COMMD10: variants seen among roughly 807,000 people sequenced by gnomAD.
The protein encoded by COMMD10 is COMM domain-containing protein 10.
COMMD10 carries 33 observed loss-of-function variants against 28.9 expected under a neutral mutation model. The observed-to-expected ratio is 1.14, with a 90% CI of 0.87 to 1.53. COMMD10 has a LOEUF of 1.53. Among genes scored for constraint, COMMD10 ranks in the 40% most tolerant of loss-of-function variants. The probability of loss-of-function intolerance (pLI) is 0.00; values close to 1 mark genes in which losing one functional copy is unlikely to be tolerated. For missense variants in COMMD10, 310 were observed against 233.4 expected (o/e 1.33, Z -2.14); for synonymous variants, 110 against 81.7 (o/e 1.35, Z -1.87).
At chr5:116,230,807 A>C (rs1749511052) in intron 5 of COMMD10, among the ~76,000 whole-genome samples, 1 of 152,140 alleles carries the variant, frequency 6.6e-6, no homozygotes, top group Non-Finnish European at 1.5e-5. Flanking sequence ...TGACAAGCAG[A>C]GATTCCTTGA....
intron 5 of COMMD10, among the ~76,000 whole-genome samples, chr5:116,219,011 A>T (rs555280462): frequency 2.0e-5 from 3 of 152,310 alleles, no homozygotes; most frequent in Admixed American, 1.3e-4. Context: ...GCTATTATCC[A>T]GTATGACTGG....
At chr5:116,121,604 T>G (rs1349920478) in intron 4 of COMMD10, among the ~76,000 whole-genome samples, 2 of 152,226 alleles carry the variant, frequency 1.3e-5, no homozygotes, top group African/African-American at 4.8e-5. Flanking sequence ...ACCAACAGTG[T>G]AAAAGCATTC....
intron 5 of COMMD10, among the ~76,000 whole-genome samples, chr5:116,203,326 G>A (rs11957731): frequency 0.11 from 16,893 of 151,956 alleles, 1,353 homozygotes; most frequent in African/African-American, 0.22. Flanking sequence ...GCAGGATATT[G>A]TCCAGGAGAA....
intron 5 of COMMD10, among the ~76,000 whole-genome samples, chr5:116,147,102 T>A (rs1045836847): frequency 1.3e-5 from 2 of 151,826 alleles, no homozygotes; most frequent in African/African-American, 4.8e-5. Flanking sequence ...TTTGCATATT[T>A]AGCATCAACC....
chr5:116,182,861 A>G (rs531239527), intron 5 of COMMD10, among the ~76,000 whole-genome samples: 1 of 152,186 alleles, frequency 6.6e-6, no homozygotes, highest in Non-Finnish European at 1.5e-5. Context: ...TCATGGGGGC[A>G]GTTTCCCCCA....
chr5:116,269,708 G>A (rs560730218), intron 5 of COMMD10, among the ~76,000 whole-genome samples: 5 of 151,654 alleles, frequency 3.3e-5, no homozygotes, highest in South Asian at 4.2e-4. Flanking sequence ...TTCCGTAAGC[G>A]CACAAAAGAA....
At chr5:116,125,518 A>G (rs551297133) in intron 4 of COMMD10, among the ~76,000 whole-genome samples, 3 of 152,186 alleles carry the variant, frequency 2.0e-5, no homozygotes, top group South Asian at 2.1e-4. Flanking sequence ...GAATCTGACA[A>G]TTATGTGACT....
intron 5 of COMMD10, among the ~76,000 whole-genome samples, chr5:116,169,177 T>C (rs1257765452): frequency 6.6e-6 from 1 of 152,016 alleles, no homozygotes; most frequent in East Asian, 1.9e-4. Context: ...TCACCACTGA[T>C]CCCACAGAAA....
chr5:116,259,721 G>A (rs1225989509), intron 5 of COMMD10, among the ~76,000 whole-genome samples: 2 of 151,516 alleles, frequency 1.3e-5, no homozygotes, highest in East Asian at 1.9e-4. Flanking sequence ...GGCTGGGCAG[G>A]GTATTCCCGG....
chr5:116,240,326 G>C (rs1378671430), intron 5 of COMMD10, among the ~76,000 whole-genome samples: 3 of 152,012 alleles, frequency 2.0e-5, no homozygotes, highest in Non-Finnish European at 2.9e-5. Flanking sequence ...AGAAAAGAAT[G>C]GAGGCAAAGG....
intron 5 of COMMD10, among the ~76,000 whole-genome samples, chr5:116,180,121 C>T (rs1312149861): frequency 1.3e-5 from 2 of 151,958 alleles, no homozygotes; most frequent in African/African-American, 2.4e-5. Context: ...ACAGTCAATA[C>T]TGAAATTTTT....
chr5:116,270,427 T>C (rs923802689), intron 5 of COMMD10, among the ~76,000 whole-genome samples: 1 of 151,914 alleles, frequency 6.6e-6, no homozygotes, highest in Non-Finnish European at 1.5e-5. Flanking sequence ...GGAGAAGATA[T>C]TGACTGTCTT....
intron 5 of COMMD10, among the ~76,000 whole-genome samples, chr5:116,247,430 G>T (rs1026087564): frequency 6.6e-6 from 1 of 152,000 alleles, no homozygotes; most frequent in African/African-American, 2.4e-5. Context: ...AGACCTAACA[G>T]CAGAAATACC....
chr5:116,103,612 C>G (rs1345546314), intron 4 of COMMD10, among the ~76,000 whole-genome samples: 2 of 152,110 alleles, frequency 1.3e-5, no homozygotes, highest in East Asian at 3.8e-4. Context: ...CTGTAGGTTG[C>G]CTATTCACTC....
intron 6 of COMMD10, among the ~76,000 whole-genome samples, chr5:116,291,838 T>C (rs193121664): frequency 6.6e-6 from 1 of 152,254 alleles, no homozygotes; most frequent in African/African-American, 2.4e-5. Flanking sequence ...TAATGAACTT[T>C]GTGATTCCTA....
At chr5:116,203,544 G>A (rs998475964) in intron 5 of COMMD10, among the ~76,000 whole-genome samples, 15 of 151,986 alleles carry the variant, frequency 9.9e-5, no homozygotes, top group East Asian at 1.9e-4. Flanking sequence ...CGGATCTCTC[G>A]GCAGAAACTC....
At chr5:116,123,086 C>A (rs1038421021) in intron 4 of COMMD10, among the ~76,000 whole-genome samples, 1 of 152,120 alleles carries the variant, frequency 6.6e-6, no homozygotes, top group Non-Finnish European at 1.5e-5. Flanking sequence ...CTAGTTTTTG[C>A]CCATTTGATA....
intron 4 of COMMD10, among the ~76,000 whole-genome samples, chr5:116,112,180 A>T (rs144476542): frequency 1.3e-5 from 2 of 152,144 alleles, no homozygotes; most frequent in African/African-American, 4.8e-5. Flanking sequence ...ATGGAGCTTG[A>T]TATTTCTCGA....
At chr5:116,117,258 T>A (rs188837719) in intron 4 of COMMD10, among the ~76,000 whole-genome samples, 233 of 152,330 alleles carry the variant, frequency 1.5e-3, no homozygotes, top group African/African-American at 5.3e-3. Flanking sequence ...ATTTTATGGA[T>A]ATTATATTTT....
Sources: allele counts gnomAD v4.1 joint callset (sites outside exome capture counted in the v4.1 genomes callset), GRCh38; gene constraint gnomAD v4.1.1; transcripts MANE v1.5; gene names NCBI Gene and HGNC (gene_info 2026-07-23, HGNC 2026-07-21).